Variants in CAMK1D observed in about 807,000 individuals in gnomAD.
The protein encoded by CAMK1D is calcium/calmodulin-dependent protein kinase type 1D.
Under a neutral mutation model 47.7 loss-of-function variants are expected in CAMK1D, and 9 were observed. That is an observed-to-expected ratio of 0.19 (90% CI 0.11 to 0.33). CAMK1D has a LOEUF of 0.33. Among genes scored for constraint, CAMK1D ranks in the 10% least tolerant of loss-of-function variants. CAMK1D has a pLI of 1.00. For missense variants in CAMK1D, 291 were observed against 488.7 expected (o/e 0.60, Z 3.81); for synonymous variants, 184 against 184.9 (o/e 0.99, Z 0.04).
In CAMK1D at chr10:12,743,415, T is replaced by C. The variant is rs181683689; in HGVS notation, c.300-17533T>C. The stretch of plus-strand genomic sequence containing the variant: ...AGACAAGGGAAAACTAGGCTATTTC[T>C]AAGGTCGTATAAAAATTTGCCTTCA... On this transcript the variant is annotated intron_variant, in intron 3 of 10. Coordinates refer to ENST00000619168, the MANE Select transcript of CAMK1D (RefSeq NM_153498.4). Among the ~76,000 whole-genome samples, 134 of 151,884 alleles carry C rather than the reference T, an allele frequency of 8.8e-4. 1 individual carries two copies. The East Asian group carries it at 0.018, about 20-fold the overall frequency.
intron 2 of CAMK1D, among the ~76,000 whole-genome samples, chr10:12,568,485 TTC>T (rs892938196): frequency 4.1e-5 from 4 of 97,928 alleles, no homozygotes; most frequent in Admixed American, 1.1e-4. Context: ...TTCTTTCATT[TTC>T]TCTCTCTCTC....
At chr10:12,389,886 G>A (rs1838661686) in intron 1 of CAMK1D, among the ~76,000 whole-genome samples, 1 of 151,854 alleles carries the variant, frequency 6.6e-6, no homozygotes, top group South Asian at 2.1e-4. Context: ...TGGAAGGGAT[G>A]AATTCATCAT....
At position 12,672,525 on chromosome 10, in the gene CAMK1D, C is replaced by G. The variant is rs183879655; in HGVS notation, c.299+5715C>G. On this transcript the variant is annotated intron_variant, in intron 3 of 10. Transcript: ENST00000619168. ...CTGGGATTACAGGCATGCACCACCA[C>G]GCCTAGATAATTTTTTTGTATTTTT... Among the ~76,000 whole-genome samples the G allele has an allele frequency of 1.4e-4, 21 of 151,828 alleles. No homozygotes were observed. In the East Asian group the frequency reaches 3.9e-3, roughly 28 times the overall value.
chr10:12,453,827 A>T (rs1833160984), intron 1 of CAMK1D, among the ~76,000 whole-genome samples: 1 of 152,204 alleles, frequency 6.6e-6, no homozygotes, highest in Non-Finnish European at 1.5e-5. Context: ...TGAGTTGTTA[A>T]TTTTTATGCA....
At chr10:12,381,657 A>G (rs1354593194) in intron 1 of CAMK1D, among the ~76,000 whole-genome samples, 2 of 152,172 alleles carry the variant, frequency 1.3e-5, no homozygotes, top group African/African-American at 4.8e-5. Flanking sequence ...AGACAGTGCA[A>G]GCTGCTGAGA....
At chr10:12,811,293 C>T (rs571684446) in intron 6 of CAMK1D, among the ~76,000 whole-genome samples, 3 of 152,214 alleles carry the variant, frequency 2.0e-5, no homozygotes, top group African/African-American at 4.8e-5. Flanking sequence ...TGGGCGGCCC[C>T]ATGGTCACAG....
chr10:12,679,280 C>A (rs1048708369), intron 3 of CAMK1D, among the ~76,000 whole-genome samples: 1 of 152,090 alleles, frequency 6.6e-6, no homozygotes, highest in Non-Finnish European at 1.5e-5. Context: ...ATAGAAAGTA[C>A]ATTAAGAGTC....
chr10:12,395,585 G>A (rs1486435541), intron 1 of CAMK1D, among the ~76,000 whole-genome samples: 4 of 152,144 alleles, frequency 2.6e-5, no homozygotes, highest in African/African-American at 9.7e-5. Flanking sequence ...AGTGAGGAAT[G>A]TTCTGTTAGC....
intron 1 of CAMK1D, among the ~76,000 whole-genome samples, chr10:12,516,405 C>A (rs78265244): frequency 4.5e-4 from 68 of 152,336 alleles, no homozygotes; most frequent in African/African-American, 1.5e-3. Flanking sequence ...CCGCGCCCAG[C>A]CTCCAGTTTT....
At position 12,761,015 on chromosome 10, in the gene CAMK1D, A is replaced by G; in HGVS notation, c.367A>G (p.Thr123Ala). 1 of 1,614,076 alleles carries G rather than the reference A, an allele frequency of 6.2e-7. No homozygotes were observed. Among genetic ancestry groups the G allele is most frequent in the Non-Finnish European group, 8.5e-7 (1 of 1,180,006 alleles). Reference protein sequence around the residue: ...KGFYTEKDASTLIRQVLDAVY... With the variant: ...KGFYTEKDASALIRQVLDAVY... Reference sequence around the variant, plus strand: ...GTTTTATACAGAGAAGGATGCCAGCACTCTGATCCGCCAAGTCTTGGACGC... The same window carrying G: ...GTTTTATACAGAGAAGGATGCCAGCGCTCTGATCCGCCAAGTCTTGGACGC... Residue 123 changes from threonine to alanine, a missense_variant, in exon 4 of 11, where the codon ACT becomes GCT. By Grantham distance (58) the Thr-to-Ala change is moderately conservative. Coordinates refer to ENST00000619168, the MANE Select transcript of CAMK1D (RefSeq NM_153498.4).
At chr10:12,424,339 A>G (rs985738614) in intron 1 of CAMK1D, among the ~76,000 whole-genome samples, 1 of 151,916 alleles carries the variant, frequency 6.6e-6, no homozygotes, top group Non-Finnish European at 1.5e-5. Context: ...GTCCAGTTAC[A>G]GTTTTGGCTC....
chr10:12,719,860 C>T (rs1834303811), intron 3 of CAMK1D, among the ~76,000 whole-genome samples: 2 of 152,204 alleles, frequency 1.3e-5, no homozygotes, highest in Non-Finnish European at 2.9e-5. Flanking sequence ...CCTTTAGATT[C>T]CAGTCCTCTG....
intron 3 of CAMK1D, among the ~76,000 whole-genome samples, chr10:12,680,794 G>A (rs538144115): frequency 9.9e-5 from 15 of 151,446 alleles, no homozygotes; most frequent in Admixed American, 5.9e-4. Context: ...ATCCTTGCTC[G>A]TGATTGCTTG....
At chr10:12,559,148 AC>A (rs1345041046) in intron 2 of CAMK1D, among the ~76,000 whole-genome samples, 3 of 151,958 alleles carry the variant, frequency 2.0e-5, no homozygotes, top group Non-Finnish European at 2.9e-5. Context: ...TCTCTATAAA[AC>A]AATTAAAAAA....
In CAMK1D at chr10:12,797,582, T is replaced by G. The variant is rs185540379; in HGVS notation, c.641+6349T>G. Among the ~76,000 whole-genome samples the G allele has an allele frequency of 1.3e-3, 203 of 152,222 alleles. 3 individuals are homozygous for G. The highest frequency in any genetic ancestry group is 4.7e-3 in the African/African-American group (196 of 41,550). Reference sequence around the variant, plus strand: ...CCACCAGCCACCCACCATTTCCCATTATCACTCCAGCATCGTAGTTTGATT... The same window carrying G: ...CCACCAGCCACCCACCATTTCCCATGATCACTCCAGCATCGTAGTTTGATT... On this transcript the variant is annotated intron_variant, in intron 6 of 10. Transcript: ENST00000619168.
At chr10:12,509,134 C>A (rs1314504595) in intron 1 of CAMK1D, among the ~76,000 whole-genome samples, 2 of 152,184 alleles carry the variant, frequency 1.3e-5, no homozygotes, top group South Asian at 2.1e-4. Context: ...CAGGGGGGAA[C>A]CTTCCTCTGG....
chr10:12,764,632 A>G (rs1398545000), intron 4 of CAMK1D, among the ~76,000 whole-genome samples: 1 of 152,168 alleles, frequency 6.6e-6, no homozygotes, highest in African/African-American at 2.4e-5. Context: ...AAACAACAGC[A>G]TTGTCCTCTC....
At chr10:12,407,311 A>C (rs1839472414) in intron 1 of CAMK1D, among the ~76,000 whole-genome samples, 1 of 152,232 alleles carries the variant, frequency 6.6e-6, no homozygotes, top group Admixed American at 6.5e-5. Flanking sequence ...CTTAAAACCC[A>C]GAAGCTCCCA....
chr10:12,563,335 C>T (rs1837003354), intron 2 of CAMK1D, among the ~76,000 whole-genome samples: 1 of 149,544 alleles, frequency 6.7e-6, no homozygotes, highest in African/African-American at 2.5e-5. Flanking sequence ...GTCTGGGCAA[C>T]AGAGTGAGAC....
Sources: allele counts gnomAD v4.1 joint callset (sites outside exome capture counted in the v4.1 genomes callset), GRCh38; gene constraint gnomAD v4.1.1; transcripts MANE v1.5; gene names NCBI Gene and HGNC (gene_info 2026-07-23, HGNC 2026-07-21).